Variants in PLEKHH2 observed in about 807,000 individuals in gnomAD.
PLEKHH2 encodes pleckstrin homology, MyTH4 and FERM domain containing H2.
In PLEKHH2, 129 loss-of-function variants were observed where a neutral mutation model predicts 187.9. The observed-to-expected ratio is 0.69, with a 90% CI of 0.59 to 0.79. The LOEUF is 0.79. PLEKHH2 is among the 30% of genes least tolerant of loss of function. PLEKHH2 has a pLI of 0.00. For synonymous variants in PLEKHH2, 686 were observed against 605.6 expected (o/e 1.13, Z -1.95); for missense variants, 2,076 against 1,751.2 (o/e 1.19, Z -3.31).
intron 15 of PLEKHH2, among the ~76,000 whole-genome samples, chr2:43,717,534 T>C (rs542253678): frequency 6.6e-6 from 1 of 151,988 alleles, no homozygotes; most frequent in Non-Finnish European, 1.5e-5. Flanking sequence ...AGAAAGTAAA[T>C]TGCAGAAGTG....
intron 3 of PLEKHH2, among the ~76,000 whole-genome samples, chr2:43,685,934 C>T (rs1668482088): frequency 6.6e-6 from 1 of 152,180 alleles, no homozygotes; most frequent in South Asian, 2.1e-4. Context: ...TTTATTTATG[C>T]TGACCAACTG....
intron 15 of PLEKHH2, among the ~76,000 whole-genome samples, chr2:43,717,729 A>G (rs2104536196): frequency 6.6e-6 from 1 of 152,326 alleles, no homozygotes; most frequent in East Asian, 1.9e-4. Context: ...GCCACTTACC[A>G]CCTGTGTGAC....
At chr2:43,760,565 T>G (rs1470427445) in intron 27 of PLEKHH2, among the ~76,000 whole-genome samples, 2 of 151,996 alleles carry the variant, frequency 1.3e-5, no homozygotes, top group Non-Finnish European at 2.9e-5. Context: ...GTTTCACCAT[T>G]TTGGCCAGAC....
intron 2 of PLEKHH2, among the ~76,000 whole-genome samples, chr2:43,647,211 C>T (rs1369395703): frequency 6.6e-6 from 1 of 152,180 alleles, no homozygotes; most frequent in Non-Finnish European, 1.5e-5. Context: ...CTGTTGCTTA[C>T]TATGCCAAGA....
In PLEKHH2 at chr2:43,687,241, T is replaced by A. The variant is rs140595350; in HGVS notation, c.187-5273T>A. Among the ~76,000 whole-genome samples the A allele has an allele frequency of 4.6e-5, 7 of 152,324 alleles. No individual in the cohort carries two copies. In the East Asian group the frequency reaches 1.4e-3, roughly 29 times the overall value. The stretch of plus-strand genomic sequence containing the variant: ...GCTCCCACTTATAAGTGAGAGCATG[T>A]GGTATTTAGTTTTCAGTTCCTGCAT... On this transcript the variant is annotated intron_variant, in intron 3 of 29. Transcript: ENST00000282406.
intron 3 of PLEKHH2, among the ~76,000 whole-genome samples, chr2:43,689,700 C>G (rs1030785726): frequency 6.6e-6 from 1 of 152,100 alleles, no homozygotes; most frequent in South Asian, 2.1e-4. Context: ...GAGATTTTGC[C>G]CCTTTTGCCA....
intron 2 of PLEKHH2, among the ~76,000 whole-genome samples, chr2:43,677,694 G>A (rs988306612): frequency 3.3e-5 from 5 of 151,704 alleles, no homozygotes; most frequent in African/African-American, 7.3e-5. Context: ...ATCATGGCCC[G>A]TTCTCAATGA....
intron 2 of PLEKHH2, among the ~76,000 whole-genome samples, chr2:43,673,007 T>C (rs1435595984): frequency 6.6e-6 from 1 of 152,216 alleles, no homozygotes; most frequent in African/African-American, 2.4e-5. Context: ...TATCATTCTA[T>C]ATATAATTTA....
intron 1 of PLEKHH2, among the ~76,000 whole-genome samples, chr2:43,643,080 A>T (rs1666022606): frequency 6.6e-6 from 1 of 152,138 alleles, no homozygotes; most frequent in South Asian, 2.1e-4. Flanking sequence ...GCAGCCCCAG[A>T]ACTGTGAACG....
intron 3 of PLEKHH2, among the ~76,000 whole-genome samples, chr2:43,686,868 C>G (rs1288056832): frequency 6.6e-6 from 1 of 152,126 alleles, no homozygotes; most frequent in African/African-American, 2.4e-5. Context: ...ATGGCCTTCC[C>G]TTTCTTATGA....
Position 43,697,168 on chromosome 2 carries a change from T to C in PLEKHH2, c.503-3T>C, listed in dbSNP as rs1465447449. ...ATCTTAATTTTGATTAACGATGTTG[T>C]AGAAGTTCAAGGAAAGAAGTCATCC... On this transcript the variant is annotated splice_polypyrimidine_tract_variant and splice_region_variant and intron_variant, in intron 6 of 29. Coordinates refer to ENST00000282406, the MANE Select transcript of PLEKHH2 (RefSeq NM_172069.4). The C allele has an allele frequency of 3.8e-6, 6 of 1,563,412 alleles. No homozygotes were observed. In the African/African-American group the frequency reaches 8.2e-5, roughly 21 times the overall value.
rs200685317 is a variant in PLEKHH2 at position 43,712,380 on chromosome 2, T to G, written c.2457T>G (p.Thr819=). 7 of 1,613,864 alleles carry G rather than the reference T, an allele frequency of 4.3e-6. No individual in the cohort carries two copies. The African/African-American group carries it at 9.3e-5, about 22-fold the overall frequency. The stretch of plus-strand genomic sequence containing the variant: ...AACCCACCATGAAGGGATTGCTCAC[T>G]AAGGTAGGAACCTCCTGTGCATAGC... ...EGKPTMKGLL[T]KVKHGYSKRV... is the part of the protein sequence containing the mutation. The change falls in exon 15 of 30, where the codon ACT becomes ACG. Residue 819 remains threonine (T), a synonymous_variant. Coordinates refer to ENST00000282406, the MANE Select transcript of PLEKHH2 (RefSeq NM_172069.4).
At position 43,706,431 on chromosome 2, in the gene PLEKHH2, T is replaced by C. The variant is rs557530141; in HGVS notation, c.1821+15T>C. 9 of 1,510,130 alleles carry C rather than the reference T, an allele frequency of 6.0e-6. No individual in the cohort carries two copies. In the South Asian group the frequency reaches 9.4e-5, roughly 16 times the overall value. 93.5% of individuals were successfully genotyped at this position (1,510,130 alleles called of 1,614,324 possible). ...CTTTGAAGGGGGTAACTCATTATTG[T>C]TATTGTTAAAACATGTGCTTCTCTT... On this transcript the variant is annotated intron_variant, in intron 10 of 29. Transcript: ENST00000282406.
At chr2:43,680,009 C>T (rs992946596) in intron 3 of PLEKHH2, among the ~76,000 whole-genome samples, 1 of 74,400 alleles carries the variant, frequency 1.3e-5, no homozygotes, top group African/African-American at 6.8e-5. Context: ...GTCACATAAC[C>T]CTTTCTGGGT....
chr2:43,708,888 T>C (rs1669803726), intron 11 of PLEKHH2, among the ~76,000 whole-genome samples: 1 of 152,246 alleles, frequency 6.6e-6, no homozygotes, highest in South Asian at 2.1e-4. Flanking sequence ...AATGAAGATA[T>C]TATAGCAACT....
At chr2:43,715,994 C>G (rs1006158102) in intron 15 of PLEKHH2, among the ~76,000 whole-genome samples, 4 of 152,128 alleles carry the variant, frequency 2.6e-5, no homozygotes, top group Admixed American at 6.5e-5. Flanking sequence ...ATGCCTGTGA[C>G]TGATCTAGTG....
rs922402204 is a variant in PLEKHH2, at chr2:43,766,462, C to T, written c.*864C>T. ...TTTGAAAATAGATTCCCTACACATA[C>T]ATACATATGTATGCACAGATAGGGT... On this transcript the variant is annotated 3_prime_UTR_variant, in exon 30 of 30. Coordinates refer to ENST00000282406, the MANE Select transcript of PLEKHH2 (RefSeq NM_172069.4). 1 of 152,658 alleles carries T rather than the reference C, an allele frequency of 6.6e-6. No homozygotes were observed. Among genetic ancestry groups the T allele is most frequent in the Non-Finnish European group, 1.5e-5 (1 of 68,072 alleles). 9.5% of individuals were successfully genotyped at this position (152,658 alleles called of 1,614,324 possible). A position where few individuals can be genotyped will look rare whatever the true frequency, so the allele number is the denominator to read the frequency against.
In PLEKHH2 at chr2:43,747,827, A is replaced by G. The variant is rs114567307; in HGVS notation, c.3653+1864A>G. Among the ~76,000 whole-genome samples the G allele has an allele frequency of 6.9e-3, 1,052 of 152,344 alleles. 17 individuals are homozygous for G. The highest frequency in any genetic ancestry group is 0.024 in the African/African-American group (1,010 of 41,580). On this transcript the variant is annotated intron_variant, in intron 24 of 29. Transcript: ENST00000282406. ...TTTTTGGAAGATGTTCAGACTTAAA[A>G]TTGGAATGTAAGAATTGAAGGCACT... is the stretch of plus-strand genomic sequence containing the variant.
intron 3 of PLEKHH2, chr2:43,679,558 C>T (rs951914085): frequency 7.9e-5 from 23 of 292,662 alleles, no homozygotes; most frequent in African/African-American, 2.0e-4. Context: ...TGCAGTGGCG[C>T]GATCTTGGCT....
Sources: allele counts gnomAD v4.1 joint callset (sites outside exome capture counted in the v4.1 genomes callset), GRCh38; gene constraint gnomAD v4.1.1; transcripts MANE v1.5; gene names NCBI Gene and HGNC (gene_info 2026-07-23, HGNC 2026-07-21).